Variants in PXDN observed in about 807,000 individuals in gnomAD.
The protein encoded by PXDN is peroxidasin homolog.
Under a neutral mutation model 140.3 loss-of-function variants are expected in PXDN, and 77 were observed. That is an observed-to-expected ratio of 0.55 (90% CI 0.46 to 0.66). The LOEUF (loss-of-function observed/expected upper bound fraction) is 0.66. Ranked by LOEUF, PXDN falls within the 30% of genes least tolerant of loss-of-function variation. PXDN has a pLI of 0.00. For missense variants in PXDN, 1,838 were observed against 2,039.5 expected (o/e 0.90, Z 1.90); for synonymous variants, 911 against 857.4 (o/e 1.06, Z -1.09).
At chr2:1,739,899 C>T (rs1223849681) in intron 1 of PXDN, among the ~76,000 whole-genome samples, 1 of 152,252 alleles carries the variant, frequency 6.6e-6, no homozygotes, top group Non-Finnish European at 1.5e-5. Context: ...ATAATAAAGT[C>T]TTTGACTCTG....
rs563442172 is a variant in PXDN at position 1,658,790 on chromosome 2, C to G, written c.1837+2091G>C. Among the ~76,000 whole-genome samples the G allele has an allele frequency of 1.9e-4, 26 of 136,992 alleles. No homozygotes were observed. The South Asian group carries it at 4.9e-3, about 26-fold the overall frequency. The allele number at this position is 136,992 out of a possible 152,430, so 89.9% of individuals were successfully genotyped here. A position where few individuals can be genotyped will look rare whatever the true frequency, so the allele number is the denominator to read the frequency against. On this transcript the variant is annotated intron_variant, in intron 14 of 22. Transcript: ENST00000252804. ...TCGGGCTCATTCTGACCCCAGGACC[C>G]CCCCACTCTACTCTCCCAGACCAGG...
intron 19 of PXDN, among the ~76,000 whole-genome samples, chr2:1,641,417 T>A (rs1048497098): frequency 1.3e-5 from 2 of 152,244 alleles, no homozygotes; most frequent in Non-Finnish European, 2.9e-5. Flanking sequence ...CCCAAAGTGC[T>A]GAGATTACAG....
intron 21 of PXDN, chr2:1,635,802 A>G: frequency 2.3e-6 from 1 of 432,266 alleles, no homozygotes. Context: ...AGATTCAACC[A>G]GATGACGAGA....
rs1682466877 is a variant in PXDN, at chr2:1,633,466, G to A, written c.*738C>T. ...TGTGGCTTATGAATGTTCTAATCAGGTGTGGAAGGAGCTGACACACGGAGA... is the reference window on the plus strand; with the variant it reads ...TGTGGCTTATGAATGTTCTAATCAGATGTGGAAGGAGCTGACACACGGAGA... On this transcript the variant is annotated 3_prime_UTR_variant, in exon 23 of 23. Transcript: ENST00000252804. 2 of 152,030 alleles carry A rather than the reference G, an allele frequency of 1.3e-5. No individual in the cohort carries two copies. Among genetic ancestry groups the A allele is most frequent in the South Asian group, 4.2e-4 (2 of 4,794 alleles). 9.4% of individuals were successfully genotyped at this position (152,030 alleles called of 1,614,324 possible).
chr2:1,673,139 G>A (rs1411532516), intron 9 of PXDN, among the ~76,000 whole-genome samples: 2 of 152,172 alleles, frequency 1.3e-5, no homozygotes, highest in Non-Finnish European at 1.5e-5. Context: ...GGCCACAGCT[G>A]GACTTGATGC....
intron 1 of PXDN, among the ~76,000 whole-genome samples, chr2:1,710,778 TCTCCACCAGCACCCA>T (rs1684745832): frequency 3.4e-5 from 1 of 29,264 alleles, no homozygotes; most frequent in Non-Finnish European, 6.1e-5. Context: ...CAGCACCCAC[TCTCCACCAGCACCCA>T]CTCCACCAGC....
At chr2:1,725,335 C>A (rs1344176718) in intron 1 of PXDN, among the ~76,000 whole-genome samples, 1 of 152,052 alleles carries the variant, frequency 6.6e-6, no homozygotes, top group African/African-American at 2.4e-5. Flanking sequence ...GAAAGGATTC[C>A]CTATTTAATA....
intron 2 of PXDN, 84 bp downstream of exon 2, chr2:1,692,979 T>G (rs779875657): frequency 2.3e-6 from 3 of 1,311,886 alleles, no homozygotes; most frequent in South Asian, 1.3e-5. Flanking sequence ...GCCCACTGAT[T>G]GTGGATGATG....
At chr2:1,654,573 C>T in intron 14 of PXDN, 65 bp from the exon 15 acceptor site, 1 of 1,022,452 alleles carries the variant, frequency 9.8e-7, no homozygotes, top group Non-Finnish European at 1.5e-6. Flanking sequence ...AAAATGATGT[C>T]TAGACACTAC....
Position 1,660,058 on chromosome 2 carries a change from T to C in PXDN, c.1837+823A>G, listed in dbSNP as rs1005052389. Among the ~76,000 whole-genome samples the C allele has an allele frequency of 4.6e-5, 7 of 151,766 alleles. No homozygotes were observed. The highest frequency in any genetic ancestry group is 9.7e-5 in the African/African-American group (4 of 41,244). ...GGGGGGTTTGTGCGCGTTCTCAGAG[T>C]GTTGCTAACTCTAGGGGGACAGAGC... is the stretch of plus-strand genomic sequence containing the variant. On this transcript the variant is annotated intron_variant, in intron 14 of 22. Transcript: ENST00000252804. The surrounding 1 kb of genome is among the most constrained non-coding windows in gnomAD (Gnocchi z 4.6).
Position 1,680,242 on chromosome 2 carries a change from G to A in PXDN, c.681C>T (p.Arg227=), listed in dbSNP as rs771546687. 4.5e-5 allele frequency: 73 copies of A among 1,610,264 alleles called. 1 individual carries two copies. In the South Asian group the frequency reaches 5.5e-4, roughly 12 times the overall value. Residue 227 remains arginine (R), a synonymous_variant, in exon 7 of 23, where the codon CGC becomes CGT. Transcript: ENST00000252804. ...QAAAICEYPR[R]IQGRSVATIT... ...TGGTTGCCACTGAGCGTCCCTGGAT[G>A]CGTCTGGGATATTCACAGATGGCCG...
chr2:1,704,328 GGGGACAACTCCAGGTGAAAGA>G (rs1304160223), intron 1 of PXDN, among the ~76,000 whole-genome samples: 2,607 of 83,424 alleles, frequency 0.031, no homozygotes, highest in Non-Finnish European at 0.042. Context: ...AGGTGAAGCG[GGGGACAACTCCAGGTGAAAGA>G]GGGACAACTC....
chr2:1,719,859 TGTGTGTGTGTGTGTGA>T (rs1684978250), intron 1 of PXDN, among the ~76,000 whole-genome samples: 2 of 148,990 alleles, frequency 1.3e-5, no homozygotes, highest in South Asian at 2.1e-4. Context: ...TGTGTGTGTG[TGTGTGTGTGTGTGTGA>T]AAGAGAGAGA....
chr2:1,664,779 A>G lies in PXDN; in HGVS notation c.1408+179T>C, dbSNP rs880532. On this transcript the variant is annotated intron_variant, in intron 11 of 22. Coordinates refer to ENST00000252804, the MANE Select transcript of PXDN (RefSeq NM_012293.3). Reference sequence around the variant, plus strand: ...CCATGAGGGACGGCCATGCATGGACAGGAAGCCGCGGGGGATGTGCAGACA... The same window carrying G: ...CCATGAGGGACGGCCATGCATGGACGGGAAGCCGCGGGGGATGTGCAGACA... The G allele has an allele frequency of 0.29, 168,976 of 580,836 alleles. 25,661 individuals carry two copies. Among genetic ancestry groups the G allele is most frequent in the Admixed American group, 0.43 (14,165 of 33,206 alleles). The allele number at this position is 580,836 out of a possible 1,614,324, so 36.0% of individuals were successfully genotyped here. A position where few individuals can be genotyped will look rare whatever the true frequency, so the allele number is the denominator to read the frequency against.
rs1327365696 is a variant in PXDN at position 1,703,438 on chromosome 2, C to T, written c.201-10304G>A. Among the ~76,000 whole-genome samples, 3 of 24,260 alleles carry T rather than the reference C, an allele frequency of 1.2e-4. 1 individual carries two copies. Among genetic ancestry groups the T allele is most frequent in the Admixed American group, 5.1e-4 (1 of 1,972 alleles). 15.9% of individuals were successfully genotyped at this position (24,260 alleles called of 152,430 possible). A position where few individuals can be genotyped will look rare whatever the true frequency, so the allele number is the denominator to read the frequency against. ...GAAGGAGGGACAACTCCAGGTGAAG[C>T]GGGGGACAACTCCCGGTGAAGGAGA... On this transcript the variant is annotated intron_variant, in intron 1 of 22. Coordinates refer to ENST00000252804, the MANE Select transcript of PXDN (RefSeq NM_012293.3).
chr2:1,732,277 C>T (rs936531825), intron 1 of PXDN, among the ~76,000 whole-genome samples: 20 of 152,218 alleles, frequency 1.3e-4, no homozygotes, highest in South Asian at 4.2e-4. Flanking sequence ...AGAGATGGGA[C>T]GCCTGAGCCC....
At chr2:1,669,633 A>T (rs1683529760) in intron 9 of PXDN, 1 of 152,258 alleles carries the variant, frequency 6.6e-6, no homozygotes, top group African/African-American at 2.4e-5. Context: ...TGATGTCAGG[A>T]ATTCGAGACC....
chr2:1,660,935 C>G lies in PXDN; in HGVS notation c.1783G>C (p.Val595Leu). Residue 595 changes from valine (V) to leucine (L), a missense_variant, in exon 14 of 23, where the codon GTG becomes CTG. Transcript: ENST00000252804. This position sits in a 1 kb window ranked among gnomAD's most constrained non-coding sequence, Gnocchi z 4.6. Reference sequence around the variant, plus strand: ...GCCGACCCAATGGTGTTCCGGGCCACACACTCATAGCGACCTGCGTCTGCA... The same window carrying G: ...GCCGACCCAATGGTGTTCCGGGCCAGACACTCATAGCGACCTGCGTCTGCA... ...GPADAGRYEC[V>L]ARNTIGSASV... is the part of the protein sequence containing the mutation. 6.2e-7 allele frequency: 1 copy of G among 1,613,990 alleles called. No homozygotes were observed. Among genetic ancestry groups the G allele is most frequent in the Non-Finnish European group, 8.5e-7 (1 of 1,179,892 alleles).
chr2:1,666,443 C>G lies in PXDN; in HGVS notation c.1062G>C (p.Leu354=). The stretch of plus-strand genomic sequence containing the variant: ...ACTCCAGCGTGACGCTCTCCCCAAC[C>G]AGCACCTCTGTATTCTGTGGCTGGA... ...FVIQPQNTEV[L]VGESVTLECS... is the part of the protein sequence containing the mutation. Residue 354 remains leucine (L), a synonymous_variant, in exon 10 of 23, where the codon CTG becomes CTC. Coordinates refer to ENST00000252804, the MANE Select transcript of PXDN (RefSeq NM_012293.3). 1 of 1,612,680 alleles carries G rather than the reference C, an allele frequency of 6.2e-7. No homozygotes were observed. Among genetic ancestry groups the G allele is most frequent in the Non-Finnish European group, 8.5e-7 (1 of 1,179,066 alleles).
Sources: allele counts gnomAD v4.1 joint callset (sites outside exome capture counted in the v4.1 genomes callset), GRCh38; gene constraint gnomAD v4.1.1; non-coding constraint Gnocchi (gnomAD v3.1); transcripts MANE v1.5; gene names NCBI Gene and HGNC (gene_info 2026-07-23, HGNC 2026-07-21).